The following CSMD3 variants were observed in gnomAD, a reference collection of about 807,000 sequenced individuals.
CSMD3 encodes the protein CUB and Sushi multiple domains 3.
CSMD3 carries 177 observed loss-of-function variants against 435.2 expected under a neutral mutation model. The ratio of observed to expected loss-of-function variants is 0.41; its 90% confidence interval spans 0.36 to 0.46. The LOEUF is 0.46. CSMD3 is among the 20% of genes least tolerant of loss of function. CSMD3 has a pLI of 0.34. For missense variants in CSMD3, 4,265 were observed against 4,504.6 expected (o/e 0.95, Z 1.52); for synonymous variants, 1,656 against 1,520.5 (o/e 1.09, Z -2.07).
chr8:112,485,064 A>G (rs1292850940), intron 31 of CSMD3, among the ~76,000 whole-genome samples: 1 of 152,164 alleles, frequency 6.6e-6, no homozygotes, highest in African/African-American at 2.4e-5. Context: ...ATGATTCTCT[A>G]GACTAGCATC....
intron 61 of CSMD3, among the ~76,000 whole-genome samples, chr8:112,261,462 C>T (rs1163288066): frequency 1.3e-5 from 2 of 151,778 alleles, no homozygotes; most frequent in Non-Finnish European, 2.9e-5. Flanking sequence ...TTTGTGTCAT[C>T]CTAAATTCTG....
chr8:112,545,851 A>G (rs1012407440), intron 27 of CSMD3, among the ~76,000 whole-genome samples: 123 of 152,178 alleles, frequency 8.1e-4, no homozygotes, highest in Non-Finnish European at 1.4e-3. Flanking sequence ...TTTGTTAAAA[A>G]GGGAAAATAC....
At chr8:113,278,731 G>C in intron 2 of CSMD3, 27 bp from the exon 3 acceptor site, 1 of 1,013,594 alleles carries the variant, frequency 9.9e-7, no homozygotes, top group Non-Finnish European at 1.6e-6. Context: ...TTAATTGTTA[G>C]AGACATAATC....
At chr8:113,181,094 T>C (rs1163038905) in intron 3 of CSMD3, among the ~76,000 whole-genome samples, 1 of 151,930 alleles carries the variant, frequency 6.6e-6, no homozygotes, top group East Asian at 1.9e-4. Context: ...TACTGGTTGC[T>C]AGAAAAGAAA....
At chr8:112,404,604 A>G (rs1053782768) in intron 35 of CSMD3, among the ~76,000 whole-genome samples, 44 of 152,276 alleles carry the variant, frequency 2.9e-4, no homozygotes, top group African/African-American at 1.0e-3. Flanking sequence ...AAATGAATGT[A>G]CCTTCTATGT....
rs1043965397 is a variant in CSMD3, at chr8:112,666,465, C to T, written c.2678-50G>A. 5.2e-6 allele frequency: 8 copies of T among 1,526,198 alleles called. No homozygotes were observed. The African/African-American group carries it at 9.6e-5, about 18-fold the overall frequency. The allele number at this position is 1,526,198 out of a possible 1,614,324, so 94.5% of individuals were successfully genotyped here. On this transcript the variant is annotated intron_variant, in intron 16 of 70. Transcript: ENST00000297405. ...AGAATAAAACATTCAAGATAAATCG[C>T]AGATATTATTCTTAATACAAACAAT... is the stretch of plus-strand genomic sequence containing the variant.
At chr8:113,353,204 A>G (rs1385004048) in intron 1 of CSMD3, among the ~76,000 whole-genome samples, 2 of 152,178 alleles carry the variant, frequency 1.3e-5, no homozygotes, top group Non-Finnish European at 2.9e-5. Context: ...ATACTAAAGG[A>G]CATAGGAGGA....
At chr8:112,383,988 T>C (rs1829714353) in intron 36 of CSMD3, among the ~76,000 whole-genome samples, 1 of 152,192 alleles carries the variant, frequency 6.6e-6, no homozygotes, top group Non-Finnish European at 1.5e-5. Context: ...TCAATGCATG[T>C]TCAAAACAAT....
rs771646232 is a variant in CSMD3 at position 112,574,457 on chromosome 8, A to T, written c.3886-800T>A. Among the ~76,000 whole-genome samples the T allele has an allele frequency of 7.2e-5, 11 of 151,938 alleles. 1 individual carries two copies. Among genetic ancestry groups the T allele is most frequent in the Admixed American group, 2.0e-4 (3 of 15,224 alleles). On this transcript the variant is annotated intron_variant, in intron 23 of 70. Transcript: ENST00000297405. ...TACGTGTAACCTCATGTTTTTTGGT[A>T]CTTGTACTTCAGCAAAAAAGTTCTA...
chr8:112,303,635 T>G (rs1449160017), intron 52 of CSMD3, among the ~76,000 whole-genome samples: 4 of 152,084 alleles, frequency 2.6e-5, no homozygotes, highest in Non-Finnish European at 5.9e-5. Context: ...AAATATAATT[T>G]AGAAATATAT....
intron 23 of CSMD3, among the ~76,000 whole-genome samples, chr8:112,585,294 T>A (rs1018775823): frequency 6.6e-6 from 1 of 151,648 alleles, no homozygotes; most frequent in African/African-American, 2.4e-5. Flanking sequence ...GAAAATATAT[T>A]CTTGGAAAAT....
chr8:112,534,538 A>G (rs1825865948), intron 27 of CSMD3, among the ~76,000 whole-genome samples: 1 of 152,220 alleles, frequency 6.6e-6, no homozygotes, highest in African/African-American at 2.4e-5. Flanking sequence ...GCAAAAATCA[A>G]TAGCTTACCA....
intron 9 of CSMD3, among the ~76,000 whole-genome samples, chr8:112,923,606 T>C (rs920553757): frequency 6.6e-6 from 1 of 152,140 alleles, no homozygotes; most frequent in African/African-American, 2.4e-5. Context: ...CCTCCCTTAC[T>C]GCTCTGTGTA....
chr8:112,881,560 G>C (rs992153814), intron 10 of CSMD3, among the ~76,000 whole-genome samples: 1 of 152,042 alleles, frequency 6.6e-6, no homozygotes, highest in African/African-American at 2.4e-5. Context: ...AATTTTTAAA[G>C]TAACTTGAAA....
At chr8:112,253,087 C>A (rs188438816) in intron 63 of CSMD3, among the ~76,000 whole-genome samples, 1 of 151,756 alleles carries the variant, frequency 6.6e-6, no homozygotes, top group African/African-American at 2.4e-5. Flanking sequence ...GAAAATCAGC[C>A]TGATTTAGTA....
intron 3 of CSMD3, among the ~76,000 whole-genome samples, chr8:113,194,139 G>A (rs2092623111): frequency 1.3e-5 from 2 of 151,256 alleles, no homozygotes; most frequent in African/African-American, 4.8e-5. Flanking sequence ...CACATCTGCA[G>A]GTGTTTAACG....
At chr8:113,241,609 A>G (rs1563592694) in intron 3 of CSMD3, among the ~76,000 whole-genome samples, 1 of 151,862 alleles carries the variant, frequency 6.6e-6, no homozygotes, top group Non-Finnish European at 1.5e-5. Flanking sequence ...TTGCTGAAAA[A>G]AAAAAAAGAA....
intron 24 of CSMD3, among the ~76,000 whole-genome samples, chr8:112,558,202 A>T (rs904356748): frequency 2.0e-5 from 3 of 151,750 alleles, no homozygotes; most frequent in African/African-American, 7.3e-5. Flanking sequence ...ACAAGCCAGA[A>T]TTCTTCTTCC....
intron 3 of CSMD3, among the ~76,000 whole-genome samples, chr8:113,271,187 G>A (rs187761906): frequency 6.6e-6 from 1 of 152,058 alleles, no homozygotes; most frequent in South Asian, 2.1e-4. Flanking sequence ...GCCTGATGAC[G>A]CAGTAGAAAA....
Sources: allele counts gnomAD v4.1 joint callset (sites outside exome capture counted in the v4.1 genomes callset), GRCh38; gene constraint gnomAD v4.1.1; transcripts MANE v1.5; gene names NCBI Gene and HGNC (gene_info 2026-07-23, HGNC 2026-07-21).